The following CNTROB variants were observed in gnomAD, a reference collection of about 807,000 sequenced individuals.
CNTROB encodes the protein centrobin.
CNTROB carries 82 observed loss-of-function variants against 115.7 expected under a neutral mutation model. That is an observed-to-expected ratio of 0.71 (90% CI 0.59 to 0.85). The LOEUF (loss-of-function observed/expected upper bound fraction) is 0.85, where lower values mean the gene tolerates loss of function less well. CNTROB is among the 40% of genes least tolerant of loss of function. CNTROB has a pLI of 0.00. For missense variants in CNTROB, 1,014 were observed against 1,144.4 expected (o/e 0.89, Z 1.64); for synonymous variants, 439 against 456.4 (o/e 0.96, Z 0.49).
intron 2 of CNTROB, 110 bp from the exon 3 acceptor site, chr17:7,934,355 G>A (rs1972890970): frequency 1.5e-6 from 2 of 1,333,560 alleles, no homozygotes; most frequent in Admixed American, 1.8e-5. Flanking sequence ...TTCTTTGGGA[G>A]AGGGGGTGAA....
Position 7,937,250 on chromosome 17 carries a change from A to G in CNTROB, c.915A>G (p.Glu305=), listed in dbSNP as rs775351865. The G allele has an allele frequency of 6.2e-7, 1 of 1,614,052 alleles. No individual in the cohort carries two copies. The change falls in exon 7 of 19, where the codon GAA becomes GAG. Residue 305 remains glutamate, a synonymous_variant. Transcript: ENST00000563694. ...AAAGTGCCAGACTGCAGCAACGGGA[A>G]AGAGAGACACTGGTGAGAAGATTGG... ...EQESARLQQR[E]RETLEEERQA...
intron 9 of CNTROB, 127 bp downstream of exon 9, chr17:7,940,369 C>T: frequency 1.2e-6 from 1 of 844,638 alleles, no homozygotes; most frequent in Non-Finnish European, 1.8e-6. Flanking sequence ...TTAACAGTTT[C>T]TATGTAGTAT....
At position 7,943,691 on chromosome 17, in the gene CNTROB, C is replaced by T. The variant is rs1453761707; in HGVS notation, c.1445+167C>T. The T allele has an allele frequency of 2.3e-5, 16 of 702,818 alleles. No homozygotes were observed. The highest frequency in any genetic ancestry group is 1.1e-4 in the African/African-American group (6 of 55,708). The allele number at this position is 702,818 out of a possible 1,614,324, so 43.5% of individuals were successfully genotyped here. ...GTCTCTCTCGGGAGGGCTGCCTTCA[C>T]GCGTTCATGGAGAGCCAGAAGTGCC... is the stretch of plus-strand genomic sequence containing the variant. On this transcript the variant is annotated intron_variant, in intron 10 of 18. Transcript: ENST00000563694. This position sits in a 1 kb window ranked among gnomAD's most constrained non-coding sequence, Gnocchi z 4.7.
chr17:7,943,675 G>C lies in CNTROB; in HGVS notation c.1445+151G>C. 1.2e-6 allele frequency: 1 copy of C among 811,680 alleles called. No individual in the cohort carries two copies. Among genetic ancestry groups the C allele is most frequent in the South Asian group, 2.0e-5 (1 of 48,932 alleles). 50.3% of individuals were successfully genotyped at this position (811,680 alleles called of 1,614,324 possible). On this transcript the variant is annotated intron_variant, in intron 10 of 18. Transcript: ENST00000563694. This position sits in a 1 kb window ranked among gnomAD's most constrained non-coding sequence, Gnocchi z 4.7. ...ATCAGCTGGGACCTGAGTCTCTCTCGGGAGGGCTGCCTTCACGCGTTCATG... is the reference window on the plus strand; with the variant it reads ...ATCAGCTGGGACCTGAGTCTCTCTCCGGAGGGCTGCCTTCACGCGTTCATG...
chr17:7,947,611 T>C lies in CNTROB; in HGVS notation c.2034T>C (p.His678=), dbSNP rs367704747. 1.9e-6 allele frequency: 3 copies of C among 1,613,274 alleles called. No individual in the cohort carries two copies. The highest frequency in any genetic ancestry group is 1.3e-5 in the African/African-American group (1 of 74,930). The change falls in exon 14 of 19, where the codon CAT becomes CAC. Residue 678 remains histidine (H), a synonymous_variant. Coordinates refer to ENST00000563694, the MANE Select transcript of CNTROB (RefSeq NM_053051.5). ...CACTTGGGGCCTTCCATCCCGATCA[T>C]AGGGCAGAAAGGCCATTCCCTGAGG... The part of the protein sequence containing the change: ...FSALGAFHPD[H]RAERPFPEED...
chr17:7,946,936 A>G (rs1387511200), intron 13 of CNTROB, among the ~76,000 whole-genome samples: 1 of 152,050 alleles, frequency 6.6e-6, no homozygotes, highest in Non-Finnish European at 1.5e-5. Context: ...CGAGGCGGGC[A>G]GATCACAAGG....
chr17:7,947,787 C>G, intron 14 of CNTROB, 65 bp downstream of exon 14: 2 of 1,601,390 alleles, frequency 1.2e-6, no homozygotes, highest in Admixed American at 1.7e-5. Flanking sequence ...TCTTTCTGCT[C>G]TGGGAATCCA....
chr17:7,935,373 G>A (rs1193053769), intron 4 of CNTROB, among the ~76,000 whole-genome samples: 2 of 152,086 alleles, frequency 1.3e-5, no homozygotes, highest in African/African-American at 2.4e-5. Flanking sequence ...ATGGTGGTGG[G>A]TGCCTGTAGT....
chr17:7,939,387 C>A lies in CNTROB; in HGVS notation c.928-126C>A, dbSNP rs973629052. ...GGGATTACAGGTGTGAGCCACCGCACCCGGCCTAATTATTGTGTTTTTAAT... is the reference window on the plus strand; with the variant it reads ...GGGATTACAGGTGTGAGCCACCGCAACCGGCCTAATTATTGTGTTTTTAAT... On this transcript the variant is annotated intron_variant, in intron 7 of 18. Coordinates refer to ENST00000563694, the MANE Select transcript of CNTROB (RefSeq NM_053051.5). This position sits in a 1 kb window ranked among gnomAD's most constrained non-coding sequence, Gnocchi z 4.4. 12 of 825,270 alleles carry A rather than the reference C, an allele frequency of 1.5e-5. No homozygotes were observed. The highest frequency in any genetic ancestry group is 2.4e-5 in the Non-Finnish European group (12 of 503,506). The allele number at this position is 825,270 out of a possible 1,614,324, so 51.1% of individuals were successfully genotyped here. A position where few individuals can be genotyped will look rare whatever the true frequency, so the allele number is the denominator to read the frequency against.
At position 7,943,800 on chromosome 17, in the gene CNTROB, G is replaced by T. The variant is rs185051483; in HGVS notation, c.1445+276G>T. Among the ~76,000 whole-genome samples, 64 of 152,320 alleles carry T rather than the reference G, an allele frequency of 4.2e-4. No individual in the cohort carries two copies. Among genetic ancestry groups the T allele is most frequent in the African/African-American group, 1.4e-3 (60 of 41,564 alleles). ...ATAGATGGTCCAGCTCCCTCACTGG[G>T]ACAGTGCTGAGGTATGACCTGTGCT... On this transcript the variant is annotated intron_variant, in intron 10 of 18. Transcript: ENST00000563694. The surrounding 1 kb of genome is among the most constrained non-coding windows in gnomAD (Gnocchi z 4.7).
Position 7,939,769 on chromosome 17 carries a change from G to T in CNTROB, c.1164+20G>T. On this transcript the variant is annotated intron_variant, in intron 8 of 18. Coordinates refer to ENST00000563694, the MANE Select transcript of CNTROB (RefSeq NM_053051.5). This position sits in a 1 kb window ranked among gnomAD's most constrained non-coding sequence, Gnocchi z 4.4. ...GAGAAGGTAAAAGTGGCAGTTGGAAGAGCTGAGGAACTAGGGAGTAGATGA... is the reference window on the plus strand; with the variant it reads ...GAGAAGGTAAAAGTGGCAGTTGGAATAGCTGAGGAACTAGGGAGTAGATGA... The T allele has an allele frequency of 6.2e-7, 1 of 1,608,898 alleles. No homozygotes were observed. Among genetic ancestry groups the T allele is most frequent in the Non-Finnish European group, 8.5e-7 (1 of 1,175,538 alleles).
chr17:7,946,953 T>G lies in CNTROB; in HGVS notation c.1994-618T>G, dbSNP rs200744081. ...AGGCGGGCAGATCACAAGGTCAGGA[T>G]ATCGAGACCATCCTGGCTAACACAG... On this transcript the variant is annotated intron_variant, in intron 13 of 18. Transcript: ENST00000563694. 1.1e-4 allele frequency among the ~76,000 whole-genome samples: 17 copies of G among 151,432 alleles called. No homozygotes were observed. In the East Asian group the frequency reaches 2.7e-3, roughly 24 times the overall value.
chr17:7,947,992 T>C lies in CNTROB; in HGVS notation c.2209+13T>C. On this transcript the variant is annotated intron_variant, in intron 15 of 18. Transcript: ENST00000563694. ...CCCCCTAAGTCTGGTGAGTTCCAACTCTGAAGAAGGTTGGGGCTGGGGCCT... is the reference window on the plus strand; with the variant it reads ...CCCCCTAAGTCTGGTGAGTTCCAACCCTGAAGAAGGTTGGGGCTGGGGCCT... The C allele has an allele frequency of 1.2e-6, 2 of 1,611,632 alleles. No homozygotes were observed. Among genetic ancestry groups the C allele is most frequent in the Non-Finnish European group, 1.7e-6 (2 of 1,177,822 alleles).
chr17:7,944,461 C>T lies in CNTROB; in HGVS notation c.1572-15C>T. 3 of 1,611,288 alleles carry T rather than the reference C, an allele frequency of 1.9e-6. No individual in the cohort carries two copies. The highest frequency in any genetic ancestry group is 1.1e-5 in the South Asian group (1 of 90,882). The stretch of plus-strand genomic sequence containing the variant: ...CCTTAAAGGCCCTGAGTCACTTCTT[C>T]TCTCTTTGCTTCAGACTGGCCCGGG... On this transcript the variant is annotated splice_polypyrimidine_tract_variant and intron_variant, in intron 11 of 18. Coordinates refer to ENST00000563694, the MANE Select transcript of CNTROB (RefSeq NM_053051.5). The surrounding 1 kb of genome is among the most constrained non-coding windows in gnomAD (Gnocchi z 4.0).
chr17:7,949,594 C>T lies in CNTROB; in HGVS notation c.*84C>T. 1.4e-6 allele frequency: 2 copies of T among 1,385,718 alleles called. No homozygotes were observed. Among genetic ancestry groups the T allele is most frequent in the Non-Finnish European group, 1.9e-6 (2 of 1,050,864 alleles). The allele number at this position is 1,385,718 out of a possible 1,614,324, so 85.8% of individuals were successfully genotyped here. A position where few individuals can be genotyped will look rare whatever the true frequency, so the allele number is the denominator to read the frequency against. On this transcript the variant is annotated 3_prime_UTR_variant, in exon 19 of 19. Transcript: ENST00000563694. ...TTAGTCTGTATCAGAGTCTCTGGCTCATAGGAATTTGGAAAATAGAGGTTT... is the reference window on the plus strand; with the variant it reads ...TTAGTCTGTATCAGAGTCTCTGGCTTATAGGAATTTGGAAAATAGAGGTTT...
rs780201208 is a variant in CNTROB, at chr17:7,944,485, G to A, written c.1581G>A (p.Arg527=). ...TCTCTCTTTGCTTCAGACTGGCCCG[G>A]GAGCAAGCGCGAGTGTGCGAACTGC... is the stretch of plus-strand genomic sequence containing the variant. The part of the protein sequence containing the change: ...VAEDYELRLA[R]EQARVCELQS... The change falls in exon 12 of 19, where the codon CGG becomes CGA. Residue 527 remains arginine (R), a synonymous_variant. Transcript: ENST00000563694. The surrounding 1 kb of genome is among the most constrained non-coding windows in gnomAD (Gnocchi z 4.0). 3 of 1,613,746 alleles carry A rather than the reference G, an allele frequency of 1.9e-6. No homozygotes were observed. In the Admixed American group the frequency reaches 5.0e-5, roughly 27 times the overall value.
Position 7,944,741 on chromosome 17 carries a change from G to T in CNTROB, c.1734+103G>T. The T allele has an allele frequency of 3.0e-6, 4 of 1,337,474 alleles. No individual in the cohort carries two copies. The Admixed American group carries it at 7.0e-5, about 23-fold the overall frequency. The allele number at this position is 1,337,474 out of a possible 1,614,324, so 82.9% of individuals were successfully genotyped here. A position where few individuals can be genotyped will look rare whatever the true frequency, so the allele number is the denominator to read the frequency against. On this transcript the variant is annotated intron_variant, in intron 12 of 18. Coordinates refer to ENST00000563694, the MANE Select transcript of CNTROB (RefSeq NM_053051.5). This position sits in a 1 kb window ranked among gnomAD's most constrained non-coding sequence, Gnocchi z 4.0. ...TGCCCAGGCTGGAGTGTACTGGTGAGATCATAGCTCATTGCAGCCTCGAAC... is the reference window on the plus strand; with the variant it reads ...TGCCCAGGCTGGAGTGTACTGGTGATATCATAGCTCATTGCAGCCTCGAAC...
chr17:7,941,951 G>A (rs188757043), intron 9 of CNTROB, among the ~76,000 whole-genome samples: 65 of 121,384 alleles, frequency 5.4e-4, no homozygotes, highest in African/African-American at 1.7e-3. Context: ...TGACAGGAGC[G>A]AGACCGAGTC....
In CNTROB at chr17:7,949,430, A is replaced by T; in HGVS notation, c.2632A>T (p.Thr878Ser). 1 of 1,613,774 alleles carries T rather than the reference A, an allele frequency of 6.2e-7. No individual in the cohort carries two copies. Among genetic ancestry groups the T allele is most frequent in the Non-Finnish European group, 8.5e-7 (1 of 1,179,942 alleles). Residue 878 changes from threonine (T) to serine (S), a missense_variant, in exon 19 of 19, where the codon ACT (threonine) becomes TCT (serine). Physicochemically the swap from Thr to Ser is moderately conservative, Grantham distance 58. Coordinates refer to ENST00000563694, the MANE Select transcript of CNTROB (RefSeq NM_053051.5). ...TCGCCGCCTTGCTACAGCCCCCAAG[A>T]CTGAAAAACCTCCCGCACGGAAGAA... ...VPRRLATAPK[T>S]EKPPARKKSG...
Sources: allele counts gnomAD v4.1 joint callset (sites outside exome capture counted in the v4.1 genomes callset), GRCh38; gene constraint gnomAD v4.1.1; non-coding constraint Gnocchi (gnomAD v3.1); transcripts MANE v1.5; gene names NCBI Gene and HGNC (gene_info 2026-07-23, HGNC 2026-07-21).